RPS6KC1: variants seen among roughly 807,000 people sequenced by gnomAD.
The protein encoded by RPS6KC1 is ribosomal protein S6 kinase C1.
A neutral mutation model predicts 103.8 loss-of-function variants in RPS6KC1; 54 were observed. The ratio of observed to expected loss-of-function variants is 0.52; its 90% CI spans 0.42 to 0.65. RPS6KC1 has a LOEUF of 0.65. Among genes scored for constraint, RPS6KC1 ranks in the 30% least tolerant of loss-of-function variants. RPS6KC1 has a pLI of 0.00. For synonymous variants in RPS6KC1, 439 were observed against 438.7 expected, an observed-to-expected ratio of 1.00 and a Z score of -0.01; for missense variants, 1,151 against 1,253.8, an observed-to-expected ratio of 0.92 and a Z score of 1.24.
At chr1:213,665,275 A>C in the RPS6KC1 span, among the ~76,000 whole-genome samples, 1 of 152,162 alleles carries the variant, frequency 6.6e-6, no homozygotes, top group African/African-American at 2.4e-5. Flanking sequence ...AAAAGTATCC[A>C]AAATGTAGAC....
intron 6 of RPS6KC1, among the ~76,000 whole-genome samples, chr1:213,152,223 C>CG (rs2089189994): frequency 7.1e-6 from 1 of 140,600 alleles, no homozygotes; most frequent in Non-Finnish European, 1.5e-5. Flanking sequence ...GCTGGCCGGG[C>CG]GGGGGGCTGA....
chr1:213,175,013 T>G (rs1441338440), intron 7 of RPS6KC1, among the ~76,000 whole-genome samples: 4 of 152,258 alleles, frequency 2.6e-5, no homozygotes, highest in African/African-American at 9.6e-5. Flanking sequence ...CAGGTACAGT[T>G]AAATTATTAT....
the RPS6KC1 span, among the ~76,000 whole-genome samples, chr1:213,348,992 C>T: frequency 6.6e-6 from 1 of 152,212 alleles, no homozygotes; most frequent in Non-Finnish European, 1.5e-5. Context: ...TAACCACATA[C>T]TGGTCTTCAT....
chr1:213,782,901 G>A, the RPS6KC1 span, among the ~76,000 whole-genome samples: 1 of 152,210 alleles, frequency 6.6e-6, no homozygotes, highest in Non-Finnish European at 1.5e-5. Context: ...CTGGAGTGAA[G>A]TTGGAGGAAT....
the RPS6KC1 span, among the ~76,000 whole-genome samples, chr1:213,781,829 G>A: frequency 9.2e-5 from 14 of 152,092 alleles, no homozygotes; most frequent in South Asian, 6.2e-4. Flanking sequence ...GATATGGGTG[G>A]GCATAGAAGA....
the RPS6KC1 span, among the ~76,000 whole-genome samples, chr1:213,804,498 T>C: frequency 1.3e-5 from 2 of 152,230 alleles, no homozygotes; most frequent in African/African-American, 4.8e-5. Context: ...TTGATTTAGA[T>C]TCCTGCTGCA....
chr1:213,308,383 C>T, the RPS6KC1 span, among the ~76,000 whole-genome samples: 2 of 149,714 alleles, frequency 1.3e-5, no homozygotes, highest in Non-Finnish European at 1.5e-5. Context: ...ATGGGAAATA[C>T]ACCTTTACAC....
the RPS6KC1 span, among the ~76,000 whole-genome samples, chr1:213,358,806 G>A: frequency 6.6e-6 from 1 of 151,966 alleles, no homozygotes; most frequent in African/African-American, 2.4e-5. Flanking sequence ...CCTTCATTTC[G>A]TTATGTACCC....
the RPS6KC1 span, among the ~76,000 whole-genome samples, chr1:213,852,952 G>A: frequency 1.3e-5 from 2 of 152,180 alleles, no homozygotes; most frequent in African/African-American, 2.4e-5. Flanking sequence ...TGAGCAGCCA[G>A]CTCATGGAAT....
At chr1:213,311,757 G>T in the RPS6KC1 span, among the ~76,000 whole-genome samples, 1 of 152,064 alleles carries the variant, frequency 6.6e-6, no homozygotes, top group Non-Finnish European at 1.5e-5. Context: ...AAAGACTGAT[G>T]ATTTTAAACA....
the RPS6KC1 span, among the ~76,000 whole-genome samples, chr1:213,738,526 G>C: frequency 6.6e-6 from 1 of 152,102 alleles, no homozygotes; most frequent in South Asian, 2.1e-4. Context: ...GGGGAAATCA[G>C]AGGGATTCTG....
the RPS6KC1 span, among the ~76,000 whole-genome samples, chr1:213,430,223 C>G: frequency 6.6e-6 from 1 of 152,194 alleles, no homozygotes; most frequent in African/African-American, 2.4e-5. Context: ...TCGAGTCTAT[C>G]ATGATTCTTA....
chr1:213,255,423 G>C (rs1458068691), intron 12 of RPS6KC1, among the ~76,000 whole-genome samples: 1 of 151,972 alleles, frequency 6.6e-6, no homozygotes, highest in East Asian at 1.9e-4. Context: ...CAAATTCACT[G>C]TGTTAGTCTT....
At position 213,107,017 on chromosome 1, in the gene RPS6KC1, C is replaced by T. The variant is rs957460077; in HGVS notation, c.378+2448C>T. The stretch of plus-strand genomic sequence containing the variant: ...GTGCAGTGGCACAATCTCGGCTAAC[C>T]GCAACCTCTTGCCTCCCGGGTTCAA... On this transcript the variant is annotated intron_variant, in intron 4 of 14. Coordinates refer to ENST00000366960, the MANE Select transcript of RPS6KC1 (RefSeq NM_012424.6). 4.6e-5 allele frequency among the ~76,000 whole-genome samples: 7 copies of T among 151,996 alleles called. No individual in the cohort carries two copies. The East Asian group carries it at 5.8e-4, about 13-fold the overall frequency.
the RPS6KC1 span, among the ~76,000 whole-genome samples, chr1:213,848,925 A>C: frequency 2.6e-5 from 4 of 152,084 alleles, no homozygotes; most frequent in African/African-American, 9.7e-5. Flanking sequence ...TAAGAGTGAG[A>C]GAAAAGGGAA....
chr1:213,621,831 A>G, the RPS6KC1 span, among the ~76,000 whole-genome samples: 9 of 152,148 alleles, frequency 5.9e-5, no homozygotes, highest in African/African-American at 2.2e-4. Context: ...CATACCCTGA[A>G]GTCGGTGCTG....
At chr1:213,786,415 C>T in the RPS6KC1 span, among the ~76,000 whole-genome samples, 1 of 152,108 alleles carries the variant, frequency 6.6e-6, no homozygotes, top group Non-Finnish European at 1.5e-5. Context: ...AAAAGGACAA[C>T]ATGAAAATGA....
At chr1:213,536,580 G>C in the RPS6KC1 span, among the ~76,000 whole-genome samples, 5 of 152,122 alleles carry the variant, frequency 3.3e-5, no homozygotes, top group African/African-American at 1.2e-4. Context: ...ACCAAGACAG[G>C]AAAGTGGGGC....
chr1:213,410,815 T>C, the RPS6KC1 span, among the ~76,000 whole-genome samples: 1 of 128,984 alleles, frequency 7.8e-6, no homozygotes, highest in East Asian at 2.1e-4. Flanking sequence ...GGACAGAAAG[T>C]GCCAGTGATT....
Sources: gnomAD v4.1 joint callset for allele counts (sites outside exome capture counted in the v4.1 genomes callset) on GRCh38, gnomAD v4.1.1 for gene constraint, MANE v1.5 for transcripts, NCBI Gene and HGNC (gene_info 2026-07-23, HGNC 2026-07-21) for gene names.